CT55: variants seen among roughly 807,000 people sequenced by gnomAD.
The protein encoded by CT55 is cancer/testis antigen 55, also known as BRCA2-interacting protein.
In CT55, 1 loss-of-function variant was observed where a neutral mutation model predicts 12.6. That is an observed-to-expected ratio of 0.08 (90% CI 0.03 to 0.38). CT55 has a LOEUF of 0.38. CT55 is among the 10% of genes least tolerant of loss of function. The pLI, the probability that CT55 is intolerant of heterozygous loss-of-function variation, is 0.99. For missense variants in CT55, 109 were observed against 135.4 expected, an observed-to-expected ratio of 0.80 and a Z score of 0.97; for synonymous variants, 43 against 49.7, an observed-to-expected ratio of 0.87 and a Z score of 0.57.
intron 2 of CT55, among the ~76,000 whole-genome samples, chrX:135,161,776 C>T: frequency 8.9e-6 from 1 of 112,515 alleles, no homozygotes; most frequent in Non-Finnish European, 1.9e-5. Context: ...TGCTGCTATT[C>T]TCATTTCTAA....
chrX:135,167,448 T>A (rs1482253118), intron 2 of CT55, among the ~76,000 whole-genome samples: 5 of 111,411 alleles, frequency 4.5e-5, no homozygotes, highest in African/African-American at 6.5e-5. Context: ...ATAAATCAAC[T>A]CAAAATGATT....
intron 2 of CT55, among the ~76,000 whole-genome samples, chrX:135,162,647 C>T (rs2083567479): frequency 1.8e-5 from 2 of 111,507 alleles, no homozygotes; most frequent in South Asian, 7.6e-4. Flanking sequence ...TACCATCCAT[C>T]CAGAGGAGAG....
chrX:135,159,329 C>T (rs2083552016), intron 3 of CT55, among the ~76,000 whole-genome samples: 1 of 110,371 alleles, frequency 9.1e-6, no homozygotes, highest in African/African-American at 3.3e-5. Context: ...CAGTTCTAAC[C>T]AACCTCAGGG....
chrX:135,165,609 A>G (rs1236989351), intron 2 of CT55, among the ~76,000 whole-genome samples: 2 of 111,519 alleles, frequency 1.8e-5, no homozygotes, highest in African/African-American at 6.5e-5. Flanking sequence ...AATGAGAAGA[A>G]CAATACAAAT....
Position 135,158,255 on chromosome X carries a change from T to C in CT55, c.481A>G (p.Ile161Val). ...ACAGAAGTTGCCTTGATGTTTGAGA[T>C]GCCTGGCTCAGTGGAATATTCAACT... ...LEVEYSTEPG[I>V]SNIKATSVKP... The change falls in exon 4 of 6, where the codon ATC becomes GTC. Residue 161 changes from isoleucine (I) to valine (V), a missense_variant. Transcript: ENST00000276241. 5.8e-6 allele frequency: 7 copies of C among 1,209,775 alleles called. No homozygotes were observed. Among genetic ancestry groups the C allele is most frequent in the Non-Finnish European group, 7.8e-6 (7 of 893,611 alleles).
In CT55 at chrX:135,158,249, T is replaced by C; in HGVS notation, c.487A>G (p.Asn163Asp). ...VEYSTEPGISNIKATSVKPIR... is the reference protein window; with the variant it reads ...VEYSTEPGISDIKATSVKPIR... Reference sequence around the variant, plus strand: ...GGCTTCACAGAAGTTGCCTTGATGTTTGAGATGCCTGGCTCAGTGGAATAT... The same window carrying C: ...GGCTTCACAGAAGTTGCCTTGATGTCTGAGATGCCTGGCTCAGTGGAATAT... The change falls in exon 4 of 6, where the codon AAC (asparagine) becomes GAC (aspartate). Residue 163 changes from asparagine to aspartate, a missense_variant. By Grantham distance (23) the Asn-to-Asp change is conservative (BLOSUM62 1). Coordinates refer to ENST00000276241, the MANE Select transcript of CT55 (RefSeq NM_001031705.3). 1 of 1,209,643 alleles carries C rather than the reference T, an allele frequency of 8.3e-7. No homozygotes were observed. Among genetic ancestry groups the C allele is most frequent in the South Asian group, 1.8e-5 (1 of 56,899 alleles).
chrX:135,166,795 C>T (rs1214560088), intron 2 of CT55, among the ~76,000 whole-genome samples: 6 of 111,418 alleles, frequency 5.4e-5, no homozygotes, highest in African/African-American at 2.0e-4. Context: ...TCAGTAGTAT[C>T]TCTATACACC....
chrX:135,158,512 G>A (rs782023697), intron 3 of CT55, among the ~76,000 whole-genome samples: 1 of 112,653 alleles, frequency 8.9e-6, no homozygotes, highest in Admixed American at 9.4e-5. Context: ...CTCCTCTACT[G>A]ATTTAACAAA....
chrX:135,158,693 C>T (rs1394604035), intron 3 of CT55, among the ~76,000 whole-genome samples: 1 of 112,309 alleles, frequency 8.9e-6, no homozygotes, highest in Non-Finnish European at 1.9e-5. Context: ...GACACTGCCA[C>T]TCACTCAGTT....
intron 3 of CT55, among the ~76,000 whole-genome samples, chrX:135,160,095 A>G (rs1221553897): frequency 8.9e-6 from 1 of 111,827 alleles, no homozygotes; most frequent in Non-Finnish European, 1.9e-5. Flanking sequence ...ATAGTCTTTG[A>G]AGGGTATTAA....
At chrX:135,166,611 A>G (rs1254760178) in intron 2 of CT55, among the ~76,000 whole-genome samples, 1 of 111,962 alleles carries the variant, frequency 8.9e-6, no homozygotes, top group African/African-American at 3.2e-5. Flanking sequence ...AACCAGAGAA[A>G]TTAGGCAAGA....
intron 2 of CT55, among the ~76,000 whole-genome samples, chrX:135,168,766 G>A (rs2083597279): frequency 8.9e-6 from 1 of 111,733 alleles, no homozygotes; most frequent in Non-Finnish European, 1.9e-5. Flanking sequence ...AAGAATGAAA[G>A]ACATAAAGCA....
chrX:135,168,360 C>T (rs2083594987), intron 2 of CT55, among the ~76,000 whole-genome samples: 1 of 111,916 alleles, frequency 8.9e-6, no homozygotes, highest in Non-Finnish European at 1.9e-5. Context: ...AAATACTGCA[C>T]GGTCACATTC....
chrX:135,158,579 G>T (rs1449279410), intron 3 of CT55, among the ~76,000 whole-genome samples: 4 of 112,320 alleles, frequency 3.6e-5, no homozygotes, highest in African/African-American at 1.3e-4. Flanking sequence ...GAGCAGCACA[G>T]GATTTACTAA....
chrX:135,168,592 A>T (rs1242980438), intron 2 of CT55, among the ~76,000 whole-genome samples: 1 of 111,434 alleles, frequency 9.0e-6, no homozygotes, highest in African/African-American at 3.3e-5. Flanking sequence ...GGGAGGGGAC[A>T]GTTGGGGGAG....
intron 2 of CT55, among the ~76,000 whole-genome samples, chrX:135,161,779 A>G (rs1306119184): frequency 8.9e-6 from 1 of 112,423 alleles, no homozygotes; most frequent in East Asian, 2.8e-4. Flanking sequence ...TGCTATTCTC[A>G]TTTCTAAACT....
At chrX:135,162,111 A>G (rs1262268837) in intron 2 of CT55, among the ~76,000 whole-genome samples, 1 of 112,935 alleles carries the variant, frequency 8.9e-6, no homozygotes, top group African/African-American at 3.2e-5. Context: ...TGGCATTTCA[A>G]TAAAAAGGGG....
chrX:135,160,293 A>G (rs781809187), intron 3 of CT55, 118 bp downstream of exon 3: 2 of 721,644 alleles, frequency 2.8e-6, no homozygotes, highest in East Asian at 7.5e-5. Context: ...GGAACAGTCT[A>G]CCTCTAACAC....
chrX:135,164,033 G>A (rs1269529905), intron 2 of CT55, among the ~76,000 whole-genome samples: 1 of 111,820 alleles, frequency 8.9e-6, no homozygotes, highest in Non-Finnish European at 1.9e-5. Flanking sequence ...TGTCTTACAA[G>A]AAATGCTAGG....
Sources: allele counts gnomAD v4.1 joint callset (sites outside exome capture counted in the v4.1 genomes callset), GRCh38; gene constraint gnomAD v4.1.1; transcripts MANE v1.5; gene names NCBI Gene and HGNC (gene_info 2026-07-23, HGNC 2026-07-21).